Variants in MICAL2 observed in about 807,000 individuals in gnomAD.
MICAL2 encodes the protein microtubule associated monooxygenase, calponin and LIM domain containing 2.
MICAL2 carries 77 observed loss-of-function variants against 127.3 expected under a neutral mutation model. The observed-to-expected ratio is 0.60, with a 90% CI of 0.50 to 0.73. MICAL2 has a LOEUF of 0.73. Among genes scored for constraint, MICAL2 ranks in the 30% least tolerant of loss-of-function variants. The probability of loss-of-function intolerance (pLI) is 0.00; values close to 1 mark genes in which losing one functional copy is unlikely to be tolerated. For synonymous variants in MICAL2, 570 were observed against 551.1 expected (o/e 1.03, Z -0.48); for missense variants, 1,351 against 1,434.4 (o/e 0.94, Z 0.94).
intron 32 of MICAL2, among the ~76,000 whole-genome samples, chr11:12,336,673 A>G: frequency 6.6e-6 from 1 of 151,890 alleles, no homozygotes; most frequent in Non-Finnish European, 1.5e-5. Flanking sequence ...GGGTTGTTGA[A>G]TTTTGTCAAA....
At chr11:12,358,339 T>A (rs1166599738) in exon 35 of MICAL2, 2 of 1,614,006 alleles carry the variant, frequency 1.2e-6, no homozygotes, top group Non-Finnish European at 1.7e-6. Context: ...GCAAGAAGTA[T>A]TCACCGAGCT....
intron 24 of MICAL2, among the ~76,000 whole-genome samples, chr11:12,270,684 GC>G (rs1418330337): frequency 6.6e-6 from 1 of 152,162 alleles, no homozygotes; most frequent in Non-Finnish European, 1.5e-5. Context: ...TCTTAGTTTT[GC>G]CGCTTTCTTT....
chr11:12,240,751 G>A (rs1270917410), intron 17 of MICAL2, among the ~76,000 whole-genome samples: 1 of 152,246 alleles, frequency 6.6e-6, no homozygotes, highest in Non-Finnish European at 1.5e-5. Context: ...GGCTCTGGCA[G>A]TGCCTGCTTA....
At chr11:12,268,761 T>C (rs534489106), downstream of MICAL2, among the ~76,000 whole-genome samples, 1,041 of 150,670 alleles carry the variant, frequency 6.9e-3, 2 homozygotes, top group Middle Eastern at 0.027. Flanking sequence ...GAGGCCAAGG[T>C]GGGCGGATCA....
chr11:12,225,799 A>G (rs1242346430), intron 13 of MICAL2: 1 of 252,428 alleles, frequency 4.0e-6, no homozygotes, highest in Non-Finnish European at 7.9e-6. Context: ...TTTTTACTTT[A>G]TATGCTATAT....
intron 2 of MICAL2, among the ~76,000 whole-genome samples, chr11:12,156,903 C>G (rs1010429879): frequency 5.9e-5 from 9 of 152,248 alleles, no homozygotes; most frequent in Non-Finnish European, 1.2e-4. Flanking sequence ...GAACACCCCA[C>G]TTCATCGCCA....
At chr11:12,294,858 G>T (rs1287601489), downstream of MICAL2, 16 of 1,480,830 alleles carry the variant, frequency 1.1e-5, no homozygotes, top group Non-Finnish European at 1.3e-5. Context: ...GGAGGTGCAG[G>T]TAAGTGGCTC....
At chr11:12,113,822 T>G (rs1266640162) in intron 1 of MICAL2, among the ~76,000 whole-genome samples, 1 of 151,920 alleles carries the variant, frequency 6.6e-6, no homozygotes, top group Non-Finnish European at 1.5e-5. Flanking sequence ...GGTCTTGGGA[T>G]GTATCTCCCT....
intron 16 of MICAL2, among the ~76,000 whole-genome samples, chr11:12,238,981 C>T (rs1307242830): frequency 6.6e-6 from 1 of 152,138 alleles, no homozygotes; most frequent in Non-Finnish European, 1.5e-5. Flanking sequence ...TGAGTGACCC[C>T]ACCCGTGCTT....
At chr11:12,358,222 A>G in intron 34 of MICAL2, 1 of 1,448,986 alleles carries the variant, frequency 6.9e-7, no homozygotes, top group Non-Finnish European at 9.5e-7. Flanking sequence ...ATAACAATCG[A>G]GAATGTCCAT....
intron 15 of MICAL2, among the ~76,000 whole-genome samples, chr11:12,232,528 G>A (rs1360537536): frequency 6.6e-6 from 1 of 152,192 alleles, no homozygotes; most frequent in Non-Finnish European, 1.5e-5. Flanking sequence ...TTCAAGACCA[G>A]CCTGGCCAAC....
At chr11:12,182,272 C>T (rs1012013651) in intron 3 of MICAL2, among the ~76,000 whole-genome samples, 1 of 152,092 alleles carries the variant, frequency 6.6e-6, no homozygotes, top group African/African-American at 2.4e-5. Flanking sequence ...TGTTCTGATG[C>T]CATAGAGCTG....
Position 12,223,526 on chromosome 11 carries a change from G to A in MICAL2, c.1540+25G>A, listed in dbSNP as rs200310262. 2.6e-4 allele frequency: 412 copies of A among 1,603,524 alleles called. No individual in the cohort carries two copies. In the African/African-American group the frequency reaches 5.1e-3, roughly 20 times the overall value. On this transcript the variant is annotated intron_variant, in intron 12 of 27. Coordinates refer to ENST00000683283, the MANE Select transcript of MICAL2 (RefSeq NM_001282663.2). ...GGTAAGCGGCCCTCCTGGGACCCTG[G>A]TGGGTGGCTGGGAAGAGCTTTGAGG...
At chr11:12,331,494 A>C (rs1217282664) in intron 32 of MICAL2, among the ~76,000 whole-genome samples, 1 of 152,120 alleles carries the variant, frequency 6.6e-6, no homozygotes, top group African/African-American at 2.4e-5. Context: ...AGGAGCACAC[A>C]TTATGTGAGA....
intron 3 of MICAL2, among the ~76,000 whole-genome samples, chr11:12,194,988 A>G (rs548326324): frequency 2.9e-4 from 44 of 152,376 alleles, no homozygotes; most frequent in African/African-American, 7.2e-4. Flanking sequence ...TGGGCCAGAC[A>G]CAGTGGCTCA....
At chr11:12,202,986 G>A (rs1440411750) in intron 3 of MICAL2, among the ~76,000 whole-genome samples, 2 of 152,092 alleles carry the variant, frequency 1.3e-5, no homozygotes, top group Non-Finnish European at 2.9e-5. Context: ...TTGTCTCATG[G>A]ATTTGCCTAT....
chr11:12,120,330 G>C (rs767096659), intron 1 of MICAL2, among the ~76,000 whole-genome samples: 5 of 152,242 alleles, frequency 3.3e-5, no homozygotes, highest in Non-Finnish European at 7.3e-5. Flanking sequence ...GAGTCAGCTG[G>C]GAACAGGAGG....
chr11:12,262,005 G>A lies in MICAL2; in HGVS notation c.3335-475G>A, dbSNP rs189399589. 136 of 999,762 alleles carry A rather than the reference G, an allele frequency of 1.4e-4. No homozygotes were observed. In the East Asian group the frequency reaches 2.1e-3, roughly 15 times the overall value. 61.9% of individuals were successfully genotyped at this position (999,762 alleles called of 1,614,324 possible). A position where few individuals can be genotyped will look rare whatever the true frequency, so the allele number is the denominator to read the frequency against. ...TGGAGTGTTCCATGAAGCCCGAGTCGGAATCTCTGACTGTCGTGTACAGCC... is the reference window on the plus strand; with the variant it reads ...TGGAGTGTTCCATGAAGCCCGAGTCAGAATCTCTGACTGTCGTGTACAGCC... On this transcript the variant is annotated intron_variant, in intron 26 of 27. Transcript: ENST00000683283.
At chr11:12,170,146 C>A (rs74511667) in intron 3 of MICAL2, among the ~76,000 whole-genome samples, 3,517 of 152,268 alleles carry the variant, frequency 0.023, 62 homozygotes, top group Non-Finnish European at 0.035. Context: ...CCATATACAT[C>A]GTTTCATTAA....
Sources: allele counts gnomAD v4.1 joint callset (sites outside exome capture counted in the v4.1 genomes callset), GRCh38; gene constraint gnomAD v4.1.1; transcripts MANE v1.5; gene names NCBI Gene and HGNC (gene_info 2026-07-23, HGNC 2026-07-21).